C1QTNF3: variants seen among roughly 807,000 people sequenced by gnomAD.
C1QTNF3 encodes the protein C1q and TNF related 3.
A neutral mutation model predicts 32.6 loss-of-function variants in C1QTNF3; 26 were observed. The ratio of observed to expected loss-of-function variants is 0.80; its 90% CI spans 0.58 to 1.11. C1QTNF3 has a LOEUF of 1.11. Ranked by LOEUF, C1QTNF3 falls within the 50% of genes least tolerant of loss-of-function variation. The pLI, the probability that C1QTNF3 is intolerant of heterozygous loss-of-function variation, is 0.00. For synonymous variants in C1QTNF3, 155 were observed against 146.0 expected (o/e 1.06, Z -0.44); for missense variants, 362 against 398.2 (o/e 0.91, Z 0.77).
chr5:34,025,595 A>G (rs573630849), intron 4 of C1QTNF3, among the ~76,000 whole-genome samples: 2 of 152,206 alleles, frequency 1.3e-5, no homozygotes, highest in African/African-American at 4.8e-5. Context: ...CTTCACTCCC[A>G]AAGTTGAAAA....
At chr5:34,164,868 C>T in the C1QTNF3 span, 1 of 151,250 alleles carries the variant, frequency 6.6e-6, no homozygotes, top group East Asian at 1.9e-4. Flanking sequence ...CTTTGAAAGC[C>T]TAAAATGTAG....
At chr5:34,220,324 G>A in the C1QTNF3 span, among the ~76,000 whole-genome samples, 2 of 152,050 alleles carry the variant, frequency 1.3e-5, no homozygotes, top group Admixed American at 6.6e-5. Context: ...GTTTTAGACA[G>A]TGGAGATGCC....
At chr5:34,164,464 G>A in the C1QTNF3 span, among the ~76,000 whole-genome samples, 2 of 151,374 alleles carry the variant, frequency 1.3e-5, no homozygotes, top group Non-Finnish European at 2.9e-5. Context: ...AAGCAAACAA[G>A]CAAAACAATT....
the C1QTNF3 span, among the ~76,000 whole-genome samples, chr5:34,176,881 A>G: frequency 1.3e-5 from 2 of 151,838 alleles, no homozygotes; most frequent in African/African-American, 4.8e-5. Context: ...GAATGAATGA[A>G]TGAATGAAAA....
intron 3 of C1QTNF3, 90 bp downstream of exon 3, chr5:34,033,214 C>T: frequency 7.0e-7 from 1 of 1,421,678 alleles, no homozygotes; most frequent in Non-Finnish European, 9.7e-7. Context: ...TTGGGGAAGA[C>T]TTGAGGAAGC....
chr5:34,167,128 T>C, the C1QTNF3 span: 9 of 152,270 alleles, frequency 5.9e-5, no homozygotes, highest in Non-Finnish European at 1.0e-4. Context: ...TTTGTAAATA[T>C]ATAATTTTCA....
At chr5:34,170,210 T>C in the C1QTNF3 span, among the ~76,000 whole-genome samples, 33 of 152,162 alleles carry the variant, frequency 2.2e-4, no homozygotes, top group African/African-American at 7.7e-4. Flanking sequence ...AGAATTCCAC[T>C]TATACGAGGT....
chr5:34,029,159 T>C (rs1314801881), intron 3 of C1QTNF3, among the ~76,000 whole-genome samples: 1 of 152,188 alleles, frequency 6.6e-6, no homozygotes, highest in African/African-American at 2.4e-5. Context: ...TATCAAATAA[T>C]ACCAGAAAAT....
the C1QTNF3 span, among the ~76,000 whole-genome samples, chr5:34,055,588 G>A: frequency 6.6e-6 from 1 of 152,202 alleles, no homozygotes; most frequent in Non-Finnish European, 1.5e-5. Context: ...AGGCATGGGA[G>A]GGAGATATAA....
the C1QTNF3 span, among the ~76,000 whole-genome samples, chr5:34,131,875 T>C: frequency 1.3e-5 from 2 of 152,206 alleles, no homozygotes; most frequent in Admixed American, 1.3e-4. Context: ...TATCACTACA[T>C]ACCCCATAAA....
chr5:34,195,640 G>A, the C1QTNF3 span, among the ~76,000 whole-genome samples: 3 of 152,350 alleles, frequency 2.0e-5, no homozygotes, highest in African/African-American at 7.2e-5. Context: ...AGGAGATCGA[G>A]ATCATCCTGG....
At chr5:34,175,615 G>A in the C1QTNF3 span, 12 of 471,660 alleles carry the variant, frequency 2.5e-5, no homozygotes, top group Non-Finnish European at 3.5e-5. Context: ...CTTTTTGACC[G>A]TATGTGGGAA....
the C1QTNF3 span, among the ~76,000 whole-genome samples, chr5:34,176,585 G>GA: frequency 6.6e-6 from 1 of 152,214 alleles, no homozygotes; most frequent in South Asian, 2.1e-4. Flanking sequence ...ACACTAGAAG[G>GA]AAAAATACGT....
intron 2 of C1QTNF3, among the ~76,000 whole-genome samples, chr5:34,034,602 C>G (rs777277822): frequency 3.3e-5 from 5 of 152,228 alleles, no homozygotes; most frequent in African/African-American, 4.8e-5. Context: ...TACAACCCTA[C>G]CAAATGGATG....
the C1QTNF3 span, among the ~76,000 whole-genome samples, chr5:34,072,381 G>GAAAGAA: frequency 6.8e-6 from 1 of 147,826 alleles, no homozygotes; most frequent in Non-Finnish European, 1.5e-5. Flanking sequence ...GAGAAAGAAA[G>GAAAGAA]AAAGAAAGAA....
chr5:34,068,075 C>T, the C1QTNF3 span, among the ~76,000 whole-genome samples: 3 of 151,912 alleles, frequency 2.0e-5, no homozygotes, highest in East Asian at 1.9e-4. Flanking sequence ...ATTAACAAGA[C>T]GATTTAGTTT....
At chr5:34,090,526 A>G in the C1QTNF3 span, among the ~76,000 whole-genome samples, 1 of 151,768 alleles carries the variant, frequency 6.6e-6, no homozygotes, top group African/African-American at 2.4e-5. Context: ...CTTTGTTTTA[A>G]CAATAAAACA....
chr5:34,184,584 G>A, the C1QTNF3 span, among the ~76,000 whole-genome samples: 1 of 152,306 alleles, frequency 6.6e-6, no homozygotes, highest in East Asian at 1.9e-4. Context: ...CGTGGTGGCG[G>A]GCGCCTGTAA....
At chr5:34,166,094 T>C in the C1QTNF3 span, 2 of 150,980 alleles carry the variant, frequency 1.3e-5, no homozygotes, top group Admixed American at 1.3e-4. Context: ...TTAGAAAGTG[T>C]TTTAGAACAG....
Sources: gnomAD v4.1 joint callset for allele counts (sites outside exome capture counted in the v4.1 genomes callset) on GRCh38, gnomAD v4.1.1 for gene constraint, MANE v1.5 for transcripts, NCBI Gene and HGNC (gene_info 2026-07-23, HGNC 2026-07-21) for gene names.